Variants in MXI1 observed in about 807,000 individuals in gnomAD.
The protein encoded by MXI1 is MAX interactor 1, dimerization protein.
MXI1 carries 18 observed loss-of-function variants against 36.9 expected under a neutral mutation model. The observed-to-expected ratio is 0.49, with a 90% CI of 0.34 to 0.72. The LOEUF is 0.72. Among genes scored for constraint, MXI1 ranks in the 30% least tolerant of loss-of-function variants. MXI1 has a pLI of 0.01. For synonymous variants in MXI1, 160 were observed against 146.7 expected, an observed-to-expected ratio of 1.09 and a Z score of -0.65; for missense variants, 304 against 379.1, an observed-to-expected ratio of 0.80 and a Z score of 1.64.
chr10:110,252,288 C>G (rs1180786100), intron 3 of MXI1, among the ~76,000 whole-genome samples: 2 of 152,168 alleles, frequency 1.3e-5, no homozygotes, highest in Non-Finnish European at 2.9e-5. Flanking sequence ...AAGAACATAT[C>G]AAATTGAGTC....
chr10:110,229,858 T>G (rs904670002), intron 2 of MXI1, among the ~76,000 whole-genome samples: 3 of 152,210 alleles, frequency 2.0e-5, no homozygotes, highest in Admixed American at 1.3e-4. Context: ...AAAAACTTTT[T>G]TTTTTCAACT....
At chr10:110,208,175 C>CT in intron 1 of MXI1, 93 bp downstream of exon 1, 1 of 1,332,298 alleles carries the variant, frequency 7.5e-7, no homozygotes, top group Admixed American at 2.7e-5. Flanking sequence ...CCCGTCCCCC[C>CT]CCCGCCCAAC....
intron 3 of MXI1, among the ~76,000 whole-genome samples, chr10:110,251,480 T>C (rs1261636757): frequency 6.6e-6 from 1 of 152,150 alleles, no homozygotes; most frequent in Non-Finnish European, 1.5e-5. Flanking sequence ...AAGTTACCAG[T>C]AAATGTCTAG....
chr10:110,284,962 G>C lies in MXI1; in HGVS notation c.863G>C (p.Ser288Thr). 3 of 1,612,724 alleles carry C rather than the reference G, an allele frequency of 1.9e-6. No homozygotes were observed. Among genetic ancestry groups the C allele is most frequent in the Non-Finnish European group, 2.5e-6 (3 of 1,179,554 alleles). Residue 288 changes from serine to threonine, a missense_variant, in exon 6 of 6, where the codon AGT (serine) becomes ACT (threonine). By Grantham distance (58) the Ser-to-Thr change is moderately conservative. Coordinates refer to ENST00000332674, the MANE Select transcript of MXI1 (RefSeq NM_130439.3). ...AGTGACGAGGGTTACTCCAGTGCCA[G>C]TGTCAAACTTTCATTCACTTCATAG... ...IGSDEGYSSA[S>T]VKLSFTS is the part of the protein sequence containing the mutation.
intron 3 of MXI1, chr10:110,261,103 A>G (rs574958654): frequency 5.1e-6 from 5 of 985,144 alleles, no homozygotes; most frequent in Admixed American, 6.2e-5. Context: ...TAGCTCATCT[A>G]AAATATTTGT....
At chr10:110,211,700 T>C (rs1234548191) in intron 1 of MXI1, among the ~76,000 whole-genome samples, 1 of 152,210 alleles carries the variant, frequency 6.6e-6, no homozygotes, top group Non-Finnish European at 1.5e-5. Flanking sequence ...TTGAGTTTTC[T>C]TGGAGGAGGG....
At chr10:110,249,019 T>G (rs1490303267) in intron 3 of MXI1, among the ~76,000 whole-genome samples, 1 of 152,166 alleles carries the variant, frequency 6.6e-6, no homozygotes, top group Non-Finnish European at 1.5e-5. Flanking sequence ...AACCCTGTAT[T>G]ATTTTTACAT....
chr10:110,253,488 G>C (rs1856174040), intron 3 of MXI1, among the ~76,000 whole-genome samples: 1 of 151,922 alleles, frequency 6.6e-6, no homozygotes, highest in Non-Finnish European at 1.5e-5. Context: ...TAAGATATTT[G>C]TTTAAAAAGG....
At position 110,269,830 on chromosome 10, in the gene MXI1, C is replaced by G. The variant is rs546335119; in HGVS notation, c.438-9350C>G. Among the ~76,000 whole-genome samples the G allele has an allele frequency of 3.1e-3, 477 of 152,188 alleles. 1 individual carries two copies. The highest frequency in any genetic ancestry group is 5.5e-3 in the Non-Finnish European group (374 of 68,016). ...GTGATTGCAGATTGCCTTCCCAGTC[C>G]CTGTGAGAGAATGCTTTTTCTTTTG... On this transcript the variant is annotated intron_variant, in intron 3 of 5. Transcript: ENST00000332674.
intron 5 of MXI1, among the ~76,000 whole-genome samples, chr10:110,280,713 C>G (rs916240564): frequency 8.6e-5 from 13 of 151,744 alleles, no homozygotes; most frequent in Non-Finnish European, 1.5e-4. Context: ...TGATGTTGTG[C>G]CTTTCTCAAT....
At chr10:110,236,562 T>C (rs1855486406) in intron 2 of MXI1, among the ~76,000 whole-genome samples, 5 of 152,164 alleles carry the variant, frequency 3.3e-5, no homozygotes, top group Admixed American at 3.3e-4. Context: ...GCTCAGGTGA[T>C]TCTCCCATCG....
At chr10:110,209,525 G>A (rs1854454680) in intron 1 of MXI1, among the ~76,000 whole-genome samples, 1 of 152,202 alleles carries the variant, frequency 6.6e-6, no homozygotes, top group African/African-American at 2.4e-5. Context: ...GCCAAAACGA[G>A]GATTTGTGTT....
chr10:110,284,951 C>T lies in MXI1; in HGVS notation c.852C>T (p.Tyr284=). 1 of 1,613,434 alleles carries T rather than the reference C, an allele frequency of 6.2e-7. No homozygotes were observed. Among genetic ancestry groups the T allele is most frequent in the Non-Finnish European group, 8.5e-7 (1 of 1,179,808 alleles). The change falls in exon 6 of 6, where the codon TAC becomes TAT. Residue 284 remains tyrosine (Y), a synonymous_variant. Coordinates refer to ENST00000332674, the MANE Select transcript of MXI1 (RefSeq NM_130439.3). ...CGAGTATTGGGAGTGACGAGGGTTACTCCAGTGCCAGTGTCAAACTTTCAT... is the reference window on the plus strand; with the variant it reads ...CGAGTATTGGGAGTGACGAGGGTTATTCCAGTGCCAGTGTCAAACTTTCAT... ...SLPSIGSDEG[Y]SSASVKLSFT... is the part of the protein sequence containing the mutation.
chr10:110,269,495 G>A lies in MXI1; in HGVS notation c.438-9685G>A, dbSNP rs1016029366. 2.8e-4 allele frequency among the ~76,000 whole-genome samples: 42 copies of A among 152,176 alleles called. 2 individuals are homozygous for A. Among genetic ancestry groups the A allele is most frequent in the Admixed American group, 1.2e-3 (19 of 15,296 alleles). ...AATTAGAGATCAGTAACAGTATTTCGTCATTTCCCTCTTCCATCCTGGACA... is the reference window on the plus strand; with the variant it reads ...AATTAGAGATCAGTAACAGTATTTCATCATTTCCCTCTTCCATCCTGGACA... On this transcript the variant is annotated intron_variant, in intron 3 of 5. Transcript: ENST00000332674.
In MXI1 at chr10:110,243,952, G is replaced by A. The variant is rs184442886; in HGVS notation, c.408-876G>A. 1.6e-4 allele frequency among the ~76,000 whole-genome samples: 25 copies of A among 152,060 alleles called. No individual in the cohort carries two copies. In the East Asian group the frequency reaches 3.7e-3, roughly 22 times the overall value. On this transcript the variant is annotated intron_variant, in intron 2 of 5. Transcript: ENST00000332674. ...TTCTCACTGAGTGGTTAAGATTTGG[G>A]GATTGTTAAGATAGACCTGGATTGA... is the stretch of plus-strand genomic sequence containing the variant.
At chr10:110,283,057 G>C (rs566292831) in intron 5 of MXI1, among the ~76,000 whole-genome samples, 1 of 152,086 alleles carries the variant, frequency 6.6e-6, no homozygotes, top group Non-Finnish European at 1.5e-5. Flanking sequence ...TTGTAGGTTG[G>C]ATGAGTGTTC....
At chr10:110,219,778 T>G (rs1854749846) in intron 1 of MXI1, among the ~76,000 whole-genome samples, 2 of 152,262 alleles carry the variant, frequency 1.3e-5, no homozygotes, top group South Asian at 4.1e-4. Context: ...ATTTTATCTT[T>G]GGCATCTAGC....
chr10:110,244,877 C>G lies in MXI1; in HGVS notation c.437+20C>G, dbSNP rs758091710. On this transcript the variant is annotated intron_variant, in intron 3 of 5. Coordinates refer to ENST00000332674, the MANE Select transcript of MXI1 (RefSeq NM_130439.3). ...GAATCGGTGAGTCAGTGATGAGGTA[C>G]AGCTTTCACTTACGTTTAAAAGCAA... is the stretch of plus-strand genomic sequence containing the variant. The G allele has an allele frequency of 6.2e-7, 1 of 1,604,408 alleles. No individual in the cohort carries two copies. The highest frequency in any genetic ancestry group is 1.7e-5 in the Admixed American group (1 of 59,408).
intron 1 of MXI1, chr10:110,226,114 A>C: frequency 2.5e-6 from 3 of 1,202,242 alleles, no homozygotes; most frequent in Non-Finnish European, 3.1e-6. Flanking sequence ...CCCGTCGCAC[A>C]TGTTCCGGAA....
Sources: allele counts gnomAD v4.1 joint callset (sites outside exome capture counted in the v4.1 genomes callset), GRCh38; gene constraint gnomAD v4.1.1; transcripts MANE v1.5; gene names NCBI Gene and HGNC (gene_info 2026-07-23, HGNC 2026-07-21).